ESYT3: variants seen among roughly 807,000 people sequenced by gnomAD.
ESYT3 encodes the protein extended synaptotagmin 3, also known as extended synaptotagmin-3.
ESYT3 carries 101 observed loss-of-function variants against 111.5 expected under a neutral mutation model. That is an observed-to-expected ratio of 0.91 (90% confidence interval 0.77 to 1.07). The LOEUF (loss-of-function observed/expected upper bound fraction) is 1.07, where lower values mean the gene tolerates loss of function less well. Among genes scored for constraint, ESYT3 ranks in the 50% least tolerant of loss-of-function variants. The probability of loss-of-function intolerance (pLI) is 0.00; values close to 1 mark genes in which losing one functional copy is unlikely to be tolerated. For missense variants in ESYT3, 1,097 were observed against 1,109.4 expected, an observed-to-expected ratio of 0.99 and a Z score of 0.16; for synonymous variants, 416 against 446.8, an observed-to-expected ratio of 0.93 and a Z score of 0.87.
chr3:138,467,152 G>A (rs888364742), intron 10 of ESYT3, among the ~76,000 whole-genome samples: 1 of 152,212 alleles, frequency 6.6e-6, no homozygotes, highest in African/African-American at 2.4e-5. Flanking sequence ...TTATTGACAT[G>A]ACTGTGAGAG....
At position 138,478,450 on chromosome 3, in the gene ESYT3, CT is replaced by C. The variant is rs1409342864; in HGVS notation, c.*1597del. 1 of 152,116 alleles carries C rather than the reference CT, an allele frequency of 6.6e-6. No individual in the cohort carries two copies. Among genetic ancestry groups the C allele is most frequent in the Non-Finnish European group, 1.5e-5 (1 of 68,020 alleles). The allele number at this position is 152,116 out of a possible 1,614,324, so 9.4% of individuals were successfully genotyped here. On this transcript the variant is annotated 3_prime_UTR_variant, in exon 23 of 23. Coordinates refer to ENST00000389567, the MANE Select transcript of ESYT3 (RefSeq NM_031913.5). ...CTTATGATGGCATTCTAATTGCCCC[CT>C]AAATAGACAAGTGCCTTGAAAATGG...
At position 138,476,272 on chromosome 3, in the gene ESYT3, G is replaced by T. The variant is rs755120267; in HGVS notation, c.2518G>T (p.Val840Phe). Residue 840 changes from valine (V) to phenylalanine (F), a missense_variant, in exon 21 of 23, where the codon GTT (valine) becomes TTT (phenylalanine). Physicochemically the swap from Val to Phe is conservative, Grantham distance 50 (BLOSUM62 -1). Transcript: ENST00000389567. The part of the protein sequence containing the change: ...MEEVKKRSLD[V>F]AVKNSRPLGS... Reference sequence around the variant, plus strand: ...AGAAGTAAAGAAGAGGTCACTAGATGTTGCAGTGAAAAATAGTAGGCCACT... The same window carrying T: ...AGAAGTAAAGAAGAGGTCACTAGATTTTGCAGTGAAAAATAGTAGGCCACT... 3.4e-5 allele frequency: 55 copies of T among 1,613,928 alleles called. No individual in the cohort carries two copies. The highest frequency in any genetic ancestry group is 4.4e-5 in the Non-Finnish European group (52 of 1,179,934).
intron 1 of ESYT3, among the ~76,000 whole-genome samples, chr3:138,442,371 C>T (rs1365192938): frequency 6.6e-6 from 1 of 152,138 alleles, no homozygotes; most frequent in Non-Finnish European, 1.5e-5. Flanking sequence ...CGATCATATC[C>T]TTCATATGAA....
In ESYT3 at chr3:138,476,251, G is replaced by A. The variant is rs202203073; in HGVS notation, c.2497G>A (p.Val833Ile). 6.2e-7 allele frequency: 1 copy of A among 1,613,628 alleles called. No homozygotes were observed. The highest frequency in any genetic ancestry group is 1.3e-5 in the African/African-American group (1 of 75,022). Residue 833 changes from valine to isoleucine, a missense_variant, in exon 21 of 23, where the codon GTA becomes ATA. By Grantham distance (29) the Val-to-Ile change is conservative (BLOSUM62 3). Transcript: ENST00000389567. ...TFEFFVPMEE[V>I]KKRSLDVAVK... ...TGAATTTTTTGTTCCCATGGAAGAA[G>A]TAAAGAAGAGGTCACTAGATGTTGC...
chr3:138,471,018 G>A lies in ESYT3; in HGVS notation c.1732G>A (p.Val578Met), dbSNP rs1231115848. The A allele has an allele frequency of 6.2e-7, 1 of 1,613,054 alleles. No homozygotes were observed. The highest frequency in any genetic ancestry group is 8.5e-7 in the Non-Finnish European group (1 of 1,179,362). Residue 578 changes from valine (V) to methionine (M), a missense_variant, in exon 17 of 23, where the codon GTG becomes ATG. Transcript: ENST00000389567. Reference sequence around the variant, plus strand: ...GGACAGCCTCATCTCCATGAGGCTGGTGCTTCGGGTAAATCTCTCCGGTCC... The same window carrying A: ...GGACAGCCTCATCTCCATGAGGCTGATGCTTCGGGTAAATCTCTCCGGTCC... ...GLDSLISMRL[V>M]LRFLQVEERE...
chr3:138,438,933 C>T (rs1283149800), intron 1 of ESYT3, among the ~76,000 whole-genome samples: 1 of 152,202 alleles, frequency 6.6e-6, no homozygotes, highest in Non-Finnish European at 1.5e-5. Context: ...ACAGAGGGTT[C>T]AAGAGGCTGC....
Position 138,478,554 on chromosome 3 carries a change from G to T in ESYT3, c.*1700G>T, listed in dbSNP as rs556304667. ...AACCCTAAAACAGCTAATCAAAATGGCAGATAAGTGAAAACCTACCCCTCT... is the reference window on the plus strand; with the variant it reads ...AACCCTAAAACAGCTAATCAAAATGTCAGATAAGTGAAAACCTACCCCTCT... On this transcript the variant is annotated 3_prime_UTR_variant, in exon 23 of 23. Coordinates refer to ENST00000389567, the MANE Select transcript of ESYT3 (RefSeq NM_031913.5). The T allele has an allele frequency of 6.6e-6, 1 of 152,250 alleles. No individual in the cohort carries two copies. The highest frequency in any genetic ancestry group is 2.1e-4 in the South Asian group (1 of 4,814). 9.4% of individuals were successfully genotyped at this position (152,250 alleles called of 1,614,324 possible).
downstream of ESYT3, chr3:138,480,164 C>T (rs1400268432): frequency 6.6e-6 from 1 of 151,914 alleles, no homozygotes; most frequent in African/African-American, 2.4e-5. Flanking sequence ...GGTCAAGATA[C>T]GTCTAAATAT....
At position 138,457,816 on chromosome 3, in the gene ESYT3, G is replaced by A. The variant is rs546965373; in HGVS notation, c.581+172G>A. 2.0e-5 allele frequency among the ~76,000 whole-genome samples: 3 copies of A among 152,184 alleles called. No individual in the cohort carries two copies. The East Asian group carries it at 5.8e-4, about 29-fold the overall frequency. On this transcript the variant is annotated intron_variant, in intron 4 of 22. Transcript: ENST00000389567. ...CCCCTGGCATACTCTGGGTTCCAAG[G>A]CCCAGGCAGCAGAGCTTTCTTGGAA...
chr3:138,477,057 A>G lies in ESYT3; in HGVS notation c.*203A>G. On this transcript the variant is annotated 3_prime_UTR_variant, in exon 23 of 23. Transcript: ENST00000389567. Reference sequence around the variant, plus strand: ...AGGAAGAGGTTATTTAAAAGCAAGAACTACTTTTTTTGGTTGGATTTTTTT... The same window carrying G: ...AGGAAGAGGTTATTTAAAAGCAAGAGCTACTTTTTTTGGTTGGATTTTTTT... 2.3e-6 allele frequency: 1 copy of G among 438,396 alleles called. No homozygotes were observed. Among genetic ancestry groups the G allele is most frequent in the African/African-American group, 2.0e-5 (1 of 49,160 alleles). 27.2% of individuals were successfully genotyped at this position (438,396 alleles called of 1,614,324 possible).
chr3:138,440,110 C>G lies in ESYT3; in HGVS notation c.327+4985C>G, dbSNP rs2031032415. On this transcript the variant is annotated intron_variant, in intron 1 of 22. Transcript: ENST00000389567. This position sits in a 1 kb window ranked among gnomAD's most constrained non-coding sequence, Gnocchi z 4.2. ...CCATCATTAACCAGTCCCGAGCCTGCTTTTCTCTGGTGACACATACCCCAC... is the reference window on the plus strand; with the variant it reads ...CCATCATTAACCAGTCCCGAGCCTGGTTTTCTCTGGTGACACATACCCCAC... 6.6e-6 allele frequency among the ~76,000 whole-genome samples: 1 copy of G among 152,236 alleles called. No homozygotes were observed. The highest frequency in any genetic ancestry group is 1.5e-5 in the Non-Finnish European group (1 of 68,038).
chr3:138,468,731 T>C lies in ESYT3; in HGVS notation c.1371+14T>C. The C allele has an allele frequency of 6.2e-7, 1 of 1,614,076 alleles. No homozygotes were observed. Among genetic ancestry groups the C allele is most frequent in the Middle Eastern group, 1.7e-4 (1 of 6,060 alleles). ...TGCAACTTGCCGGTGAGTGGCGACA[T>C]GTCCAGAGTGTCACACAAACGCAAC... On this transcript the variant is annotated intron_variant, in intron 13 of 22. Transcript: ENST00000389567.
At chr3:138,446,655 T>C (rs1189803652) in intron 1 of ESYT3, among the ~76,000 whole-genome samples, 1 of 152,166 alleles carries the variant, frequency 6.6e-6, no homozygotes, top group Non-Finnish European at 1.5e-5. Flanking sequence ...TTTGGGAGGC[T>C]GAGGCAGGTG....
Position 138,434,807 on chromosome 3 carries a change from A to G in ESYT3, c.9A>G (p.Ala3=). The change falls in exon 1 of 23, where the codon GCA becomes GCG. Residue 3 remains alanine (A), a synonymous_variant. Transcript: ENST00000389567. ...AAGACTGCGGCGACGAGATGCGAGC[A>G]GAGGAGCCCTGCGCCCCCGGGGCCC... MR[A]EEPCAPGAPS... The G allele has an allele frequency of 2.6e-6, 4 of 1,558,184 alleles. No individual in the cohort carries two copies. The highest frequency in any genetic ancestry group is 2.3e-4 in the Middle Eastern group (1 of 4,346).
rs2033618005 is a variant in ESYT3 at position 138,479,234 on chromosome 3, T to G, written c.*2380T>G. ...AAGCAAAGAAATCCATAAAATACAT[T>G]GGCAAACCTAAGCAAGTTTTGATGA... On this transcript the variant is annotated 3_prime_UTR_variant, in exon 23 of 23. Transcript: ENST00000389567. 6.6e-6 allele frequency: 1 copy of G among 152,150 alleles called. No homozygotes were observed. Among genetic ancestry groups the G allele is most frequent in the Non-Finnish European group, 1.5e-5 (1 of 68,022 alleles). The allele number at this position is 152,150 out of a possible 1,614,324, so 9.4% of individuals were successfully genotyped here.
chr3:138,474,322 G>T lies in ESYT3; in HGVS notation c.2438G>T (p.Arg813Leu), dbSNP rs200647256. The change falls in exon 20 of 23, where the codon CGG (arginine) becomes CTG (leucine). Residue 813 changes from arginine to leucine, a missense_variant. Arg to Leu is a moderately radical substitution (Grantham distance 102). Transcript: ENST00000389567. ...TGTCGTAAGAAGACTTCAGTGAAGC[G>T]GAAGACCTTGGAACCCCTGTTTGAT... ...WACRKKTSVK[R>L]KTLEPLFDET... 1 of 1,602,552 alleles carries T rather than the reference G, an allele frequency of 6.2e-7. No individual in the cohort carries two copies. The highest frequency in any genetic ancestry group is 1.1e-5 in the South Asian group (1 of 87,888).
rs1277376121 is a variant in ESYT3, at chr3:138,469,519, T to C, written c.1503+15T>C. On this transcript the variant is annotated intron_variant, in intron 15 of 22. Transcript: ENST00000389567. Reference sequence around the variant, plus strand: ...ATACAAGTAAGGTAAGACAGCTTGGTGTGTAGCCCTGGGGTAAGGAAACAA... The same window carrying C: ...ATACAAGTAAGGTAAGACAGCTTGGCGTGTAGCCCTGGGGTAAGGAAACAA... The C allele has an allele frequency of 6.2e-7, 1 of 1,611,068 alleles. No individual in the cohort carries two copies. Among genetic ancestry groups the C allele is most frequent in the Non-Finnish European group, 8.5e-7 (1 of 1,177,496 alleles).
Position 138,440,321 on chromosome 3 carries a change from A to ACAGCC in ESYT3, c.327+5197_327+5201dup, listed in dbSNP as rs2031054293. On this transcript the variant is annotated intron_variant, in intron 1 of 22. Coordinates refer to ENST00000389567, the MANE Select transcript of ESYT3 (RefSeq NM_031913.5). This position sits in a 1 kb window ranked among gnomAD's most constrained non-coding sequence, Gnocchi z 4.2. The stretch of plus-strand genomic sequence containing the variant: ...GCCTCCCTGCCAGCCACTCAGGCAG[A>ACAGCC]CAGCCAAGGGCTGAGTGCTTTGCTT... Among the ~76,000 whole-genome samples the ACAGCC allele has an allele frequency of 6.6e-6, 1 of 152,252 alleles. No individual in the cohort carries two copies. Among genetic ancestry groups the ACAGCC allele is most frequent in the Non-Finnish European group, 1.5e-5 (1 of 68,046 alleles).
At chr3:138,458,324 T>C (rs2032413102) in intron 4 of ESYT3, among the ~76,000 whole-genome samples, 1 of 152,162 alleles carries the variant, frequency 6.6e-6, no homozygotes, top group African/African-American at 2.4e-5. Context: ...CCCAAGTGGG[T>C]TGGGATGGTG....
Sources: gnomAD v4.1 joint callset for allele counts (sites outside exome capture counted in the v4.1 genomes callset) on GRCh38, gnomAD v4.1.1 for gene constraint, Gnocchi (gnomAD v3.1) non-coding constraint, MANE v1.5 for transcripts, NCBI Gene and HGNC (gene_info 2026-07-23, HGNC 2026-07-21) for gene names.